The following FHIT variants were observed in gnomAD, a reference collection of about 807,000 sequenced individuals.
FHIT encodes fragile histidine triad diadenosine triphosphatase.
In FHIT, 19 loss-of-function variants were observed where a neutral mutation model predicts 17.9. The ratio of observed to expected loss-of-function variants is 1.06; its 90% CI spans 0.74 to 1.56. FHIT has a LOEUF of 1.56. FHIT is among the 40% of genes most tolerant of loss of function. FHIT has a pLI of 0.00. For synonymous variants in FHIT, 81 were observed against 69.7 expected (o/e 1.16, Z -0.81); for missense variants, 248 against 189.2 (o/e 1.31, Z -1.82).
chr3:60,236,706 CT>C (rs755140862), intron 5 of FHIT, among the ~76,000 whole-genome samples: 4 of 151,770 alleles, frequency 2.6e-5, no homozygotes, highest in Non-Finnish European at 5.9e-5. Flanking sequence ...GTTTTATTTC[CT>C]TTTTTTTACT....
chr3:60,494,950 C>T (rs750112724), intron 5 of FHIT, among the ~76,000 whole-genome samples: 8 of 152,120 alleles, frequency 5.3e-5, no homozygotes, highest in South Asian at 2.1e-4. Flanking sequence ...GAGCGCAGAT[C>T]GCTCTGTGAT....
At chr3:61,196,899 C>T (rs1374832443) in intron 2 of FHIT, among the ~76,000 whole-genome samples, 6 of 152,168 alleles carry the variant, frequency 3.9e-5, no homozygotes, top group Non-Finnish European at 8.8e-5. Flanking sequence ...AGGTCTTCAT[C>T]CAGTTCCTTC....
intron 2 of FHIT, among the ~76,000 whole-genome samples, chr3:61,123,294 T>C (rs938416655): frequency 1.3e-5 from 2 of 152,084 alleles, no homozygotes; most frequent in Non-Finnish European, 2.9e-5. Context: ...AAGTGGGAAT[T>C]GAACAATGAG....
chr3:60,196,688 TACATACATATAAACATATATACAG>T (rs1218706634), intron 5 of FHIT, among the ~76,000 whole-genome samples: 1 of 152,050 alleles, frequency 6.6e-6, no homozygotes, highest in Non-Finnish European at 1.5e-5. Context: ...GTAACATACA[TACATACATATAAACATATATACAG>T]ACATACATAT....
intron 1 of FHIT, among the ~76,000 whole-genome samples, chr3:61,209,412 T>C (rs2039376014): frequency 6.6e-6 from 1 of 152,228 alleles, no homozygotes; most frequent in Non-Finnish European, 1.5e-5. Flanking sequence ...TGCAGAGTGT[T>C]TTCCAACTTG....
intron 5 of FHIT, among the ~76,000 whole-genome samples, chr3:60,076,811 AC>A (rs1361512854): frequency 6.8e-6 from 1 of 146,958 alleles, no homozygotes; most frequent in African/African-American, 2.5e-5. Context: ...AGAAAAAAAA[AC>A]CCAAACACTA....
chr3:60,137,352 C>A (rs1699858770), intron 5 of FHIT, among the ~76,000 whole-genome samples: 1 of 152,122 alleles, frequency 6.6e-6, no homozygotes, highest in South Asian at 2.1e-4. Flanking sequence ...ACACACAATG[C>A]ATTTTTACAA....
At chr3:60,958,506 G>A (rs975177267) in intron 3 of FHIT, among the ~76,000 whole-genome samples, 1 of 152,138 alleles carries the variant, frequency 6.6e-6, no homozygotes, top group African/African-American at 2.4e-5. Context: ...ATTATTAAAG[G>A]TTACACTGGT....
chr3:60,866,319 G>T (rs1704157387), intron 3 of FHIT, among the ~76,000 whole-genome samples: 1 of 152,170 alleles, frequency 6.6e-6, no homozygotes, highest in Non-Finnish European at 1.5e-5. Flanking sequence ...AGAAATGTAT[G>T]ACTTCTGTGG....
At chr3:60,129,898 C>G (rs1011389119) in intron 5 of FHIT, among the ~76,000 whole-genome samples, 2 of 152,016 alleles carry the variant, frequency 1.3e-5, no homozygotes, top group African/African-American at 4.8e-5. Context: ...TTCAAAAATC[C>G]TGTCTCTTCT....
intron 5 of FHIT, among the ~76,000 whole-genome samples, chr3:60,515,276 G>T (rs577391218): frequency 2.9e-4 from 44 of 152,296 alleles, no homozygotes; most frequent in Admixed American, 1.7e-3. Context: ...TTCAAGGCAG[G>T]AGATCCTGCC....
intron 3 of FHIT, among the ~76,000 whole-genome samples, chr3:60,851,997 C>T (rs1575597779): frequency 2.0e-5 from 3 of 152,054 alleles, no homozygotes; most frequent in South Asian, 4.1e-4. Context: ...GATATTTGGT[C>T]GAACTTTATT....
At chr3:59,893,072 T>A (rs1703923042) in intron 8 of FHIT, among the ~76,000 whole-genome samples, 1 of 152,254 alleles carries the variant, frequency 6.6e-6, no homozygotes, top group Admixed American at 6.5e-5. Flanking sequence ...TCAGTTGTGT[T>A]GGTCAGTGAA....
At chr3:59,862,704 A>G (rs1178782108) in intron 8 of FHIT, among the ~76,000 whole-genome samples, 1 of 152,186 alleles carries the variant, frequency 6.6e-6, no homozygotes, top group African/African-American at 2.4e-5. Flanking sequence ...TGCAGAAATC[A>G]CCACTAGTGG....
chr3:61,193,223 G>C (rs2038764851), intron 2 of FHIT, among the ~76,000 whole-genome samples: 1 of 152,222 alleles, frequency 6.6e-6, no homozygotes, highest in Non-Finnish European at 1.5e-5. Flanking sequence ...GGCACTTGGA[G>C]TACAGTAAGG....
intron 5 of FHIT, among the ~76,000 whole-genome samples, chr3:60,293,769 T>C (rs887347148): frequency 3.3e-5 from 5 of 152,090 alleles, no homozygotes; most frequent in South Asian, 4.1e-4. Flanking sequence ...GAATGGCAAA[T>C]TTAAGGGCTC....
chr3:61,076,870 T>C (rs1196064502), intron 2 of FHIT, among the ~76,000 whole-genome samples: 2 of 152,190 alleles, frequency 1.3e-5, no homozygotes, highest in Non-Finnish European at 2.9e-5. Context: ...CAAATATTCA[T>C]CCTGTTTCTT....
At chr3:59,761,343 G>A (rs1046302729) in intron 8 of FHIT, among the ~76,000 whole-genome samples, 4 of 152,020 alleles carry the variant, frequency 2.6e-5, no homozygotes, top group Admixed American at 1.3e-4. Context: ...GTATCCTCTC[G>A]GCTAGCTGTA....
chr3:60,978,008 T>G (rs1425426030), intron 3 of FHIT, among the ~76,000 whole-genome samples: 1 of 152,238 alleles, frequency 6.6e-6, no homozygotes, highest in Non-Finnish European at 1.5e-5. Flanking sequence ...TTTCATTCTT[T>G]TCTCACTTCA....
Sources: gnomAD v4.1 joint callset for allele counts (sites outside exome capture counted in the v4.1 genomes callset) on GRCh38, gnomAD v4.1.1 for gene constraint, MANE v1.5 for transcripts, NCBI Gene and HGNC (gene_info 2026-07-23, HGNC 2026-07-21) for gene names.